CFAP70: variants seen among roughly 807,000 people sequenced by gnomAD.
CFAP70 encodes the protein cilia- and flagella-associated protein 70.
In CFAP70, 81 loss-of-function variants were observed where a neutral mutation model predicts 137.6. That is an observed-to-expected ratio of 0.59 (90% CI 0.49 to 0.71). CFAP70 has a LOEUF of 0.71. Ranked by LOEUF, CFAP70 falls within the 30% of genes least tolerant of loss-of-function variation. The pLI is 0.00. For synonymous variants in CFAP70, 382 were observed against 423.6 expected, an observed-to-expected ratio of 0.90 and a Z score of 1.20; for missense variants, 976 against 1,226.7, an observed-to-expected ratio of 0.80 and a Z score of 3.05.
At chr10:73,314,615 T>C (rs1564828205) in intron 9 of CFAP70, among the ~76,000 whole-genome samples, 1 of 152,010 alleles carries the variant, frequency 6.6e-6, no homozygotes, top group Non-Finnish European at 1.5e-5. Context: ...ATTTTAGTTA[T>C]TTATTTATTT....
At chr10:73,290,492 T>C (rs2048095908) in intron 19 of CFAP70, among the ~76,000 whole-genome samples, 1 of 152,234 alleles carries the variant, frequency 6.6e-6, no homozygotes, top group Admixed American at 6.5e-5. Context: ...GTTTTCTTGA[T>C]TGTGTACATA....
chr10:73,318,441 A>C (rs1048701974), intron 9 of CFAP70, among the ~76,000 whole-genome samples: 1 of 152,120 alleles, frequency 6.6e-6, no homozygotes, highest in Non-Finnish European at 1.5e-5. Flanking sequence ...ATGTTTTAAA[A>C]TTTTTCATGA....
At chr10:73,287,032 C>T (rs914733005) in intron 19 of CFAP70, among the ~76,000 whole-genome samples, 4 of 152,188 alleles carry the variant, frequency 2.6e-5, no homozygotes, top group South Asian at 2.1e-4. Flanking sequence ...AAACTCACAA[C>T]CTTCAGCATG....
intron 4 of CFAP70, chr10:73,345,182 T>C: frequency 6.2e-7 from 1 of 1,613,372 alleles, no homozygotes; most frequent in Non-Finnish European, 8.5e-7. Context: ...GATTGCCCCC[T>C]GAGATCTGGG....
chr10:73,358,894 C>T (rs1394737060), upstream of CFAP70: 1 of 152,274 alleles, frequency 6.6e-6, no homozygotes, highest in Non-Finnish European at 1.5e-5. Context: ...CTGCAGCCTC[C>T]TCACTTCGAG....
chr10:73,344,244 G>A (rs767647593), intron 5 of CFAP70, among the ~76,000 whole-genome samples: 2 of 152,158 alleles, frequency 1.3e-5, no homozygotes, highest in Non-Finnish European at 2.9e-5. Context: ...GATTACAGGC[G>A]TGAGCCACTG....
chr10:73,254,824 C>A (rs967525418), intron 26 of CFAP70, among the ~76,000 whole-genome samples: 3 of 152,222 alleles, frequency 2.0e-5, no homozygotes, highest in Admixed American at 1.3e-4. Context: ...AAACTGCAGG[C>A]TACAATTGGT....
At chr10:73,334,002 T>C (rs1328218085) in intron 7 of CFAP70, among the ~76,000 whole-genome samples, 2 of 152,214 alleles carry the variant, frequency 1.3e-5, no homozygotes, top group Non-Finnish European at 2.9e-5. Context: ...ACCAGGGGTA[T>C]ATAAAAACTC....
Position 73,291,451 on chromosome 10 carries a change from A to C in CFAP70, c.2021-7T>G. The stretch of plus-strand genomic sequence containing the variant: ...TGAATTTCATAGTACAAACCTGGGG[A>C]AAGAAAAATGTTGAAATACATATGA... On this transcript the variant is annotated splice_polypyrimidine_tract_variant and splice_region_variant and intron_variant, in intron 18 of 26. Transcript: ENST00000310715. The C allele has an allele frequency of 6.2e-7, 1 of 1,613,024 alleles. No homozygotes were observed. The highest frequency in any genetic ancestry group is 8.5e-7 in the Non-Finnish European group (1 of 1,179,066).
intron 7 of CFAP70, among the ~76,000 whole-genome samples, chr10:73,333,379 T>G (rs2052323359): frequency 6.6e-6 from 1 of 151,944 alleles, no homozygotes. Flanking sequence ...CAAAATTAAC[T>G]GACAGACACC....
intron 22 of CFAP70, 137 bp from the exon 24 acceptor site, chr10:73,274,731 T>C: frequency 1.2e-6 from 1 of 826,910 alleles, no homozygotes; most frequent in Non-Finnish European, 1.8e-6. Context: ...CCGTTTTCTT[T>C]TTCTAAGAGC....
chr10:73,359,069 G>A (rs1315731505), upstream of CFAP70, among the ~76,000 whole-genome samples: 1 of 152,216 alleles, frequency 6.6e-6, no homozygotes, highest in Non-Finnish European at 1.5e-5. Flanking sequence ...TTATTAAACT[G>A]ATTTGAAAAC....
chr10:73,288,251 G>A (rs934480448), intron 19 of CFAP70, among the ~76,000 whole-genome samples: 4 of 151,936 alleles, frequency 2.6e-5, no homozygotes, highest in African/African-American at 7.3e-5. Flanking sequence ...GCATGCGGGG[G>A]AAAAAGGCAA....
upstream of CFAP70, among the ~76,000 whole-genome samples, chr10:73,362,125 C>T (rs146551720): frequency 2.4e-3 from 361 of 152,162 alleles, 1 homozygote; most frequent in South Asian, 5.4e-3. Flanking sequence ...AACAAGAGTG[C>T]CAAGATGATC....
chr10:73,271,479 T>A (rs2046309914), intron 24 of CFAP70, among the ~76,000 whole-genome samples: 1 of 151,764 alleles, frequency 6.6e-6, no homozygotes, highest in Admixed American at 6.6e-5. Flanking sequence ...GCCACTGCAC[T>A]CCAGCTTGGG....
chr10:73,318,944 A>G (rs146174005), intron 9 of CFAP70, among the ~76,000 whole-genome samples: 17 of 152,346 alleles, frequency 1.1e-4, no homozygotes, highest in African/African-American at 3.8e-4. Flanking sequence ...CGAGCAGTGA[A>G]TGAAAGTTGT....
chr10:73,323,395 G>A (rs1195547945), intron 8 of CFAP70, among the ~76,000 whole-genome samples: 4 of 151,862 alleles, frequency 2.6e-5, no homozygotes, highest in Admixed American at 1.3e-4. Context: ...CAGCGTGAGC[G>A]ACGCAGAAGA....
At chr10:73,341,455 C>T in exon 6 of CFAP70, 1 of 1,614,200 alleles carries the variant, frequency 6.2e-7, no homozygotes, top group Non-Finnish European at 8.5e-7. Flanking sequence ...ACAATGAATG[C>T]ATCAGGAATG....
At chr10:73,312,594 T>C (rs1339491190) in exon 10 of CFAP70, 1 of 1,609,164 alleles carries the variant, frequency 6.2e-7, no homozygotes, top group Admixed American at 1.7e-5. Context: ...TTTATTATTA[T>C]GAATCAAGTG....
Sources: allele counts gnomAD v4.1 joint callset (sites outside exome capture counted in the v4.1 genomes callset), GRCh38; gene constraint gnomAD v4.1.1; transcripts MANE v1.5; gene names NCBI Gene and HGNC (gene_info 2026-07-23, HGNC 2026-07-21).